SLC14A2: variants seen among roughly 807,000 people sequenced by gnomAD.
SLC14A2 encodes the protein solute carrier family 14 member 2, also known as urea transporter 2.
A neutral mutation model predicts 104.6 loss-of-function variants in SLC14A2; 91 were observed. The observed-to-expected ratio is 0.87, with a 90% CI of 0.73 to 1.04. The LOEUF is 1.04. SLC14A2 is among the 50% of genes least tolerant of loss of function. The pLI is 0.00. For synonymous variants in SLC14A2, 476 were observed against 466.4 expected, an observed-to-expected ratio of 1.02 and a Z score of -0.27; for missense variants, 1,189 against 1,156.0, an observed-to-expected ratio of 1.03 and a Z score of -0.41.
chr18:45,640,813 G>A (rs6507629), intron 7 of SLC14A2, among the ~76,000 whole-genome samples: 77,646 of 152,020 alleles, frequency 0.51, 20,123 homozygotes, highest in African/African-American at 0.57. Flanking sequence ...ATATCCATAA[G>A]TGTATAGGGA....
chr18:45,463,154 C>T (rs1349501147), intron 1 of SLC14A2, among the ~76,000 whole-genome samples: 1 of 152,200 alleles, frequency 6.6e-6, no homozygotes, highest in East Asian at 1.9e-4. Context: ...CCCTTTCTTC[C>T]ATGAACCAGG....
intron 10 of SLC14A2, among the ~76,000 whole-genome samples, chr18:45,658,206 C>T (rs1471517374): frequency 6.6e-6 from 1 of 152,112 alleles, no homozygotes; most frequent in African/African-American, 2.4e-5. Context: ...ATGGTAGCCT[C>T]TCATGCTCCT....
intron 2 of SLC14A2, among the ~76,000 whole-genome samples, chr18:45,506,908 G>C (rs1191248692): frequency 3.3e-5 from 5 of 152,152 alleles, no homozygotes; most frequent in African/African-American, 1.2e-4. Context: ...AAAGTGAGAG[G>C]ACCTGACTTT....
chr18:45,404,460 A>C (rs544221676), intron 1 of SLC14A2, among the ~76,000 whole-genome samples: 3 of 152,252 alleles, frequency 2.0e-5, no homozygotes, highest in Non-Finnish European at 4.4e-5. Context: ...TTAGTAATGA[A>C]GTGTCTCCCT....
intron 2 of SLC14A2, among the ~76,000 whole-genome samples, chr18:45,495,987 G>T (rs1231867852): frequency 6.6e-6 from 1 of 152,202 alleles, no homozygotes; most frequent in African/African-American, 2.4e-5. Context: ...AAGGCCTCAT[G>T]AAGCTCCGTG....
At chr18:45,213,305 A>T (rs1160667532) in intron 1 of SLC14A2, 2 of 151,938 alleles carry the variant, frequency 1.3e-5, no homozygotes, top group African/African-American at 4.8e-5. Context: ...TATTTTATAT[A>T]TTTTTTTCAG....
intron 4 of SLC14A2, among the ~76,000 whole-genome samples, chr18:45,628,000 C>CAAAAAAAAAAAAAAAAAAAA (rs58009345): frequency 1.2e-5 from 1 of 83,592 alleles, no homozygotes; most frequent in African/African-American, 4.4e-5. Flanking sequence ...AAGACTTTCT[C>CAAAAAAAAAAAAAAAAAAAA]AAAAAAAAAA....
chr18:45,389,431 C>T (rs2144406999), intron 1 of SLC14A2, among the ~76,000 whole-genome samples: 1 of 152,308 alleles, frequency 6.6e-6, no homozygotes, highest in South Asian at 2.1e-4. Flanking sequence ...AAAGGATTGT[C>T]TCATTATTCA....
intron 1 of SLC14A2, among the ~76,000 whole-genome samples, chr18:45,433,864 T>C (rs2086556270): frequency 6.6e-6 from 1 of 152,110 alleles, no homozygotes; most frequent in Non-Finnish European, 1.5e-5. Flanking sequence ...TGGCTTTTCC[T>C]CTCCTGGAAG....
At chr18:45,565,341 G>A (rs1599010990) in intron 2 of SLC14A2, among the ~76,000 whole-genome samples, 1 of 152,050 alleles carries the variant, frequency 6.6e-6, no homozygotes, top group African/African-American at 2.4e-5. Flanking sequence ...AGCCAGGATG[G>A]TCTTGATCTC....
At position 45,508,853 on chromosome 18, in the gene SLC14A2, CTTG is replaced by C. The variant is rs1266472895; in HGVS notation, c.-35+25532_-35+25534del. On this transcript the variant is annotated intron_variant, in intron 2 of 20. Transcript: ENST00000586448. ...TACTCCAGGGAATTAACAAACTGGT[CTTG>C]CAAATGAGACAAAAATATGTAAACA... Among the ~76,000 whole-genome samples the C allele has an allele frequency of 6.8e-4, 103 of 152,312 alleles. 1 individual carries two copies. The highest frequency in any genetic ancestry group is 2.3e-3 in the African/African-American group (95 of 41,564).
chr18:45,201,184 A>G, the SLC14A2 span, among the ~76,000 whole-genome samples: 24 of 152,182 alleles, frequency 1.6e-4, no homozygotes, highest in Admixed American at 1.5e-3. Context: ...CAAGGATACA[A>G]AAAGGTGATA....
At chr18:45,340,973 G>T (rs1392246696) in intron 1 of SLC14A2, among the ~76,000 whole-genome samples, 1 of 152,154 alleles carries the variant, frequency 6.6e-6, no homozygotes, top group African/African-American at 2.4e-5. Context: ...TAGAGTTGCT[G>T]TATTGGAGAA....
chr18:45,543,326 GA>G (rs1389384126), intron 2 of SLC14A2, among the ~76,000 whole-genome samples: 2 of 150,878 alleles, frequency 1.3e-5, no homozygotes, highest in African/African-American at 2.4e-5. Context: ...GGTTTTAAGG[GA>G]AAAAAAATAC....
At chr18:45,347,302 T>C (rs1051914083) in intron 1 of SLC14A2, among the ~76,000 whole-genome samples, 4 of 151,736 alleles carry the variant, frequency 2.6e-5, no homozygotes, top group Non-Finnish European at 5.9e-5. Flanking sequence ...TTGCATTGAG[T>C]CAAGATTGTG....
At chr18:45,414,653 G>T (rs1220918324) in intron 1 of SLC14A2, among the ~76,000 whole-genome samples, 2 of 149,326 alleles carry the variant, frequency 1.3e-5, no homozygotes, top group Non-Finnish European at 3.0e-5. Context: ...AGGAAAGTTA[G>T]TCTTCTTTCA....
chr18:45,401,591 A>T (rs2086096675), intron 1 of SLC14A2, among the ~76,000 whole-genome samples: 1 of 152,246 alleles, frequency 6.6e-6, no homozygotes, highest in Non-Finnish European at 1.5e-5. Flanking sequence ...TTATAAGTGC[A>T]AAAGGAAGTC....
intron 1 of SLC14A2, among the ~76,000 whole-genome samples, chr18:45,340,781 G>A (rs2085385644): frequency 6.6e-6 from 1 of 152,192 alleles, no homozygotes; most frequent in Admixed American, 6.5e-5. Flanking sequence ...GAGTACTGGT[G>A]TGGAAGAAAC....
chr18:45,459,320 G>A (rs2087000719), intron 1 of SLC14A2, among the ~76,000 whole-genome samples: 1 of 152,216 alleles, frequency 6.6e-6, no homozygotes, highest in African/African-American at 2.4e-5. Flanking sequence ...CATCTCTGTA[G>A]ACTTTGGCTT....
Sources: allele counts gnomAD v4.1 joint callset (sites outside exome capture counted in the v4.1 genomes callset), GRCh38; gene constraint gnomAD v4.1.1; transcripts MANE v1.5; gene names NCBI Gene and HGNC (gene_info 2026-07-23, HGNC 2026-07-21).